SORCS3: variants seen among roughly 807,000 people sequenced by gnomAD.
SORCS3 encodes the protein sortilin related VPS10 domain containing receptor 3.
In SORCS3, 57 loss-of-function variants were observed where a neutral mutation model predicts 146.3. The observed-to-expected ratio is 0.39, with a 90% CI of 0.31 to 0.49. The LOEUF is 0.49. SORCS3 is among the 20% of genes least tolerant of loss of function. The probability of loss-of-function intolerance (pLI) is 0.92; values close to 1 mark genes in which losing one functional copy is unlikely to be tolerated. For synonymous variants in SORCS3, 653 were observed against 618.5 expected (o/e 1.06, Z -0.83); for missense variants, 1,341 against 1,575.5 (o/e 0.85, Z 2.52).
At position 104,910,505 on chromosome 10, in the gene SORCS3, A is replaced by G. The variant is rs566610481; in HGVS notation, c.696-5328A>G. On this transcript the variant is annotated intron_variant, in intron 2 of 26. Transcript: ENST00000369701. ...AAACACTAGATAGCAGTTAAAGTGA[A>G]TGAATGACCACTAGGTATGTAACAC... Among the ~76,000 whole-genome samples the G allele has an allele frequency of 9.2e-5, 14 of 152,376 alleles. No individual in the cohort carries two copies. In the South Asian group the frequency reaches 2.9e-3, roughly 32 times the overall value.
chr10:105,095,063 G>A (rs1196920750), intron 6 of SORCS3, among the ~76,000 whole-genome samples: 1 of 152,030 alleles, frequency 6.6e-6, no homozygotes, highest in African/African-American at 2.4e-5. Flanking sequence ...ACATATGGAT[G>A]GTACCAATCA....
chr10:105,094,877 A>G (rs1161559675), intron 6 of SORCS3, among the ~76,000 whole-genome samples: 2 of 152,196 alleles, frequency 1.3e-5, no homozygotes, highest in Non-Finnish European at 2.9e-5. Flanking sequence ...ATAATCTGGA[A>G]AAGAATGAAT....
chr10:105,231,341 A>G (rs2119690385), intron 20 of SORCS3, among the ~76,000 whole-genome samples: 1 of 152,312 alleles, frequency 6.6e-6, no homozygotes, highest in Non-Finnish European at 1.5e-5. Context: ...CAGGAAAGTG[A>G]TCAACTTTTA....
chr10:104,970,547 C>G (rs7090127), intron 3 of SORCS3, among the ~76,000 whole-genome samples: 24,078 of 152,102 alleles, frequency 0.16, 3,687 homozygotes, highest in African/African-American at 0.41. Context: ...TTTCCCCTAC[C>G]CCTACCCCTT....
At chr10:104,699,503 A>T (rs1345531742) in intron 1 of SORCS3, among the ~76,000 whole-genome samples, 1 of 152,170 alleles carries the variant, frequency 6.6e-6, no homozygotes, top group African/African-American at 2.4e-5. Context: ...CTTGACAAGT[A>T]TGTGGGCTCA....
chr10:104,818,430 G>C (rs2017832865), intron 1 of SORCS3, among the ~76,000 whole-genome samples: 1 of 120,494 alleles, frequency 8.3e-6, no homozygotes, highest in Non-Finnish European at 1.8e-5. Flanking sequence ...TTTGGAGCTG[G>C]TCCTCTAGCA....
chr10:104,681,987 G>A (rs1455574199), intron 1 of SORCS3, among the ~76,000 whole-genome samples: 2 of 151,888 alleles, frequency 1.3e-5, no homozygotes. Flanking sequence ...TTTATCTATT[G>A]ATTGCCTGTC....
intron 3 of SORCS3, among the ~76,000 whole-genome samples, chr10:104,970,358 G>A (rs2054853675): frequency 6.6e-6 from 1 of 152,154 alleles, no homozygotes; most frequent in Non-Finnish European, 1.5e-5. Context: ...TGTTGGCCAA[G>A]CTGGTCTTGA....
chr10:105,157,430 T>C, intron 10 of SORCS3, 146 bp downstream of exon 10: 1 of 915,086 alleles, frequency 1.1e-6, no homozygotes, highest in South Asian at 1.8e-5. Flanking sequence ...CATTGGTGTG[T>C]GGACTCAGAG....
intron 20 of SORCS3, among the ~76,000 whole-genome samples, chr10:105,227,017 T>C (rs1385923790): frequency 6.6e-6 from 1 of 152,028 alleles, no homozygotes; most frequent in East Asian, 1.9e-4. Context: ...TTTGGTTTAT[T>C]GATCTTTTGT....
At chr10:105,245,283 A>G (rs2056859168) in intron 20 of SORCS3, among the ~76,000 whole-genome samples, 1 of 152,146 alleles carries the variant, frequency 6.6e-6, no homozygotes, top group African/African-American at 2.4e-5. Flanking sequence ...CAGGAGAAGG[A>G]GCAGAATGAC....
chr10:104,811,773 G>A (rs887847904), intron 1 of SORCS3, among the ~76,000 whole-genome samples: 6 of 152,186 alleles, frequency 3.9e-5, no homozygotes, highest in African/African-American at 1.4e-4. Flanking sequence ...ATAGCAGACA[G>A]CCTTACATTC....
At chr10:104,969,539 A>T (rs2133641662) in intron 3 of SORCS3, among the ~76,000 whole-genome samples, 1 of 152,244 alleles carries the variant, frequency 6.6e-6, no homozygotes, top group Admixed American at 6.5e-5. Context: ...AGAATATGTC[A>T]GTATCTATCT....
At chr10:104,804,219 G>A (rs2017657225) in intron 1 of SORCS3, among the ~76,000 whole-genome samples, 1 of 152,240 alleles carries the variant, frequency 6.6e-6, no homozygotes, top group African/African-American at 2.4e-5. Context: ...TGAAGATGAG[G>A]AGGCAGGTGC....
chr10:105,202,072 C>T (rs2056577889), intron 16 of SORCS3, among the ~76,000 whole-genome samples: 1 of 152,178 alleles, frequency 6.6e-6, no homozygotes, highest in Admixed American at 6.5e-5. Context: ...CTTTCCATCT[C>T]TCAGCTGTTT....
chr10:105,074,491 A>G lies in SORCS3; in HGVS notation c.1029-15284A>G, dbSNP rs188223353. 9.9e-5 allele frequency among the ~76,000 whole-genome samples: 15 copies of G among 151,944 alleles called. No homozygotes were observed. The East Asian group carries it at 2.9e-3, about 29-fold the overall frequency. ...CGTGTAGTCTAGAGGGGAGGCAGGC[A>G]GTATTCAAATCATGAATTCAGTGAG... is the stretch of plus-strand genomic sequence containing the variant. On this transcript the variant is annotated intron_variant, in intron 5 of 26. Coordinates refer to ENST00000369701, the MANE Select transcript of SORCS3 (RefSeq NM_014978.3).
At chr10:105,008,597 AT>A (rs1235249687) in intron 4 of SORCS3, among the ~76,000 whole-genome samples, 2 of 152,162 alleles carry the variant, frequency 1.3e-5, no homozygotes, top group Non-Finnish European at 2.9e-5. Context: ...TACTGAAACT[AT>A]AATGAAAGGT....
chr10:105,106,378 G>C (rs572407082), intron 7 of SORCS3, among the ~76,000 whole-genome samples: 1 of 152,262 alleles, frequency 6.6e-6, no homozygotes, highest in East Asian at 1.9e-4. Flanking sequence ...TCTCTTCTAG[G>C]AGACTTTCTA....
intron 1 of SORCS3, among the ~76,000 whole-genome samples, chr10:104,701,267 A>G (rs1305862845): frequency 6.6e-6 from 1 of 152,230 alleles, no homozygotes; most frequent in Non-Finnish European, 1.5e-5. Context: ...GAGAAAGAGG[A>G]CAAGGGGTAG....
Sources: allele counts gnomAD v4.1 joint callset (sites outside exome capture counted in the v4.1 genomes callset), GRCh38; gene constraint gnomAD v4.1.1; transcripts MANE v1.5; gene names NCBI Gene and HGNC (gene_info 2026-07-23, HGNC 2026-07-21).